B3GALT1: variants seen among roughly 807,000 people sequenced by gnomAD.
The protein encoded by B3GALT1 is UDP-Gal:betaGlcNAc beta 1,3-galactosyltransferase, polypeptide 1.
Under a neutral mutation model 23.2 loss-of-function variants are expected in B3GALT1, and 10 were observed. That is an observed-to-expected ratio of 0.43 (90% confidence interval 0.27 to 0.73). The LOEUF is 0.73. Ranked by LOEUF, B3GALT1 falls within the 30% of genes least tolerant of loss-of-function variation. B3GALT1 has a pLI of 0.21. For synonymous variants in B3GALT1, 156 were observed against 141.5 expected, an observed-to-expected ratio of 1.10 and a Z score of -0.73; for missense variants, 299 against 405.4, an observed-to-expected ratio of 0.74 and a Z score of 2.25.
chr2:167,551,406 G>C (rs1233897198), intron 2 of B3GALT1, among the ~76,000 whole-genome samples: 1 of 152,174 alleles, frequency 6.6e-6, no homozygotes, highest in African/African-American at 2.4e-5. Context: ...TGAGACTAGA[G>C]AGAAGGCAAT....
At chr2:167,366,423 C>G (rs1697585144) in intron 1 of B3GALT1, among the ~76,000 whole-genome samples, 1 of 152,096 alleles carries the variant, frequency 6.6e-6, no homozygotes, top group Non-Finnish European at 1.5e-5. Context: ...TGTACAACAT[C>G]CCTGTGGGGT....
intron 3 of B3GALT1, among the ~76,000 whole-genome samples, chr2:167,750,854 C>T (rs1687723935): frequency 6.6e-6 from 1 of 152,012 alleles, no homozygotes; most frequent in Admixed American, 6.6e-5. Flanking sequence ...TCCTCTCACT[C>T]AAAGTCCCAG....
chr2:167,743,425 G>T (rs1170964706), intron 3 of B3GALT1, among the ~76,000 whole-genome samples: 1 of 152,016 alleles, frequency 6.6e-6, no homozygotes. Context: ...GAAAACAATA[G>T]AATATTTATC....
At chr2:167,765,760 G>A (rs896153260) in intron 3 of B3GALT1, among the ~76,000 whole-genome samples, 5 of 152,110 alleles carry the variant, frequency 3.3e-5, no homozygotes, top group Admixed American at 3.3e-4. Context: ...ATGTGTGTTA[G>A]GAAATGTCTT....
intron 3 of B3GALT1, among the ~76,000 whole-genome samples, chr2:167,796,832 GA>G (rs1461724774): frequency 6.6e-6 from 1 of 152,066 alleles, no homozygotes. Flanking sequence ...TAAAAATATT[GA>G]AGAATAGAAA....
At chr2:167,384,696 T>C (rs1697900434) in intron 1 of B3GALT1, among the ~76,000 whole-genome samples, 1 of 152,128 alleles carries the variant, frequency 6.6e-6, no homozygotes. Flanking sequence ...TCAGCTTGTC[T>C]TTCTTGCATT....
intron 3 of B3GALT1, among the ~76,000 whole-genome samples, chr2:167,744,752 C>T (rs1049717563): frequency 3.3e-5 from 5 of 151,968 alleles, no homozygotes; most frequent in African/African-American, 1.2e-4. Flanking sequence ...CCACCACGCC[C>T]GGCTAATTTT....
intron 1 of B3GALT1, among the ~76,000 whole-genome samples, chr2:167,444,625 T>G (rs1383773070): frequency 6.6e-6 from 1 of 152,230 alleles, no homozygotes; most frequent in Non-Finnish European, 1.5e-5. Context: ...ATTTATGCAT[T>G]TCTTCTAGAT....
At chr2:167,858,314 T>TTTTTG (rs1690036649) in intron 4 of B3GALT1, among the ~76,000 whole-genome samples, 2 of 151,396 alleles carry the variant, frequency 1.3e-5, no homozygotes, top group Admixed American at 1.3e-4. Context: ...AGGTGCCAAG[T>TTTTTG]TTTTGTTTTT....
At chr2:167,570,668 A>G (rs962006817) in intron 2 of B3GALT1, among the ~76,000 whole-genome samples, 11 of 152,104 alleles carry the variant, frequency 7.2e-5, no homozygotes, top group African/African-American at 2.6e-4. Flanking sequence ...GAAAACTTAC[A>G]TATGTTCAAA....
At chr2:167,626,251 A>C (rs1685343455) in intron 2 of B3GALT1, among the ~76,000 whole-genome samples, 1 of 151,560 alleles carries the variant, frequency 6.6e-6, no homozygotes, top group Non-Finnish European at 1.5e-5. Context: ...GTTTATAAAT[A>C]ATAAAATCAT....
chr2:167,495,183 G>C (rs766892219), intron 2 of B3GALT1, among the ~76,000 whole-genome samples: 1 of 152,108 alleles, frequency 6.6e-6, no homozygotes, highest in Non-Finnish European at 1.5e-5. Flanking sequence ...GGTGGCAGAC[G>C]TAGGAATGCA....
intron 2 of B3GALT1, among the ~76,000 whole-genome samples, chr2:167,640,537 G>C (rs1685633870): frequency 9.3e-6 from 1 of 107,934 alleles, no homozygotes; most frequent in Non-Finnish European, 2.0e-5. Flanking sequence ...TTGTTTTACT[G>C]TAAGTTTGAT....
At chr2:167,412,889 AAAG>A (rs1245330523) in intron 1 of B3GALT1, among the ~76,000 whole-genome samples, 1 of 152,152 alleles carries the variant, frequency 6.6e-6, no homozygotes, top group African/African-American at 2.4e-5. Context: ...ACAAAAATGA[AAAG>A]AAATGGGAAA....
At chr2:167,599,912 A>C (rs925011238) in intron 2 of B3GALT1, among the ~76,000 whole-genome samples, 2 of 152,184 alleles carry the variant, frequency 1.3e-5, no homozygotes, top group African/African-American at 4.8e-5. Flanking sequence ...ATAGATATGG[A>C]AATCTATAAT....
At chr2:167,814,152 C>G (rs190353891) in intron 3 of B3GALT1, among the ~76,000 whole-genome samples, 1 of 152,220 alleles carries the variant, frequency 6.6e-6, no homozygotes, top group Admixed American at 6.5e-5. Context: ...TTTTTTCTTT[C>G]TAAGTACTTT....
At chr2:167,465,277 A>T (rs1439008327) in intron 1 of B3GALT1, among the ~76,000 whole-genome samples, 1 of 152,196 alleles carries the variant, frequency 6.6e-6, no homozygotes, top group Non-Finnish European at 1.5e-5. Flanking sequence ...TACAGTGTGT[A>T]TGTTTTTAAC....
At chr2:167,572,371 T>C (rs918965460) in intron 2 of B3GALT1, among the ~76,000 whole-genome samples, 3 of 151,858 alleles carry the variant, frequency 2.0e-5, no homozygotes, top group Non-Finnish European at 4.4e-5. Context: ...CTTTTTAAAG[T>C]TATCGACATT....
chr2:167,495,753 G>A (rs963897312), intron 2 of B3GALT1, among the ~76,000 whole-genome samples: 10 of 152,104 alleles, frequency 6.6e-5, no homozygotes, highest in Admixed American at 4.6e-4. Context: ...GATGCCTTCA[G>A]GGAAAAGATG....
Sources: gnomAD v4.1 joint callset for allele counts (sites outside exome capture counted in the v4.1 genomes callset) on GRCh38, gnomAD v4.1.1 for gene constraint, MANE v1.5 for transcripts, NCBI Gene and HGNC (gene_info 2026-07-23, HGNC 2026-07-21) for gene names.